The following POLDIP3 variants were observed in gnomAD, a reference collection of about 807,000 sequenced individuals.
The protein encoded by POLDIP3 is DNA polymerase delta interacting protein 3.
A neutral mutation model predicts 45.1 loss-of-function variants in POLDIP3; 14 were observed. The ratio of observed to expected loss-of-function variants is 0.31; its 90% CI spans 0.20 to 0.49. POLDIP3 has a LOEUF of 0.49. Among genes scored for constraint, POLDIP3 ranks in the 20% least tolerant of loss-of-function variants. The pLI is 0.99. For missense variants in POLDIP3, 511 were observed against 538.8 expected, an observed-to-expected ratio of 0.95 and a Z score of 0.51; for synonymous variants, 223 against 205.2, an observed-to-expected ratio of 1.09 and a Z score of -0.74.
intron 6 of POLDIP3, among the ~76,000 whole-genome samples, chr22:42,592,828 G>A (rs1280149254): frequency 6.6e-6 from 1 of 152,168 alleles, no homozygotes; most frequent in African/African-American, 2.4e-5. Flanking sequence ...GGCCAGAGAG[G>A]GAGCAAAATG....
rs139053543 is a variant in POLDIP3 at position 42,589,628 on chromosome 22, G to A, written c.1022-2056C>T. ...ACTTCAAAACCAGCCTGGCCAACAT[G>A]AGGTCAGGAAATCAAGACCATCCTG... On this transcript the variant is annotated intron_variant, in intron 7 of 8. Coordinates refer to ENST00000252115, the MANE Select transcript of POLDIP3 (RefSeq NM_032311.5). Among the ~76,000 whole-genome samples the A allele has an allele frequency of 2.7e-3, 407 of 152,188 alleles. 4 individuals carry two copies. The highest frequency in any genetic ancestry group is 9.2e-3 in the African/African-American group (380 of 41,522).
chr22:42,588,568 A>T (rs1351324001), intron 7 of POLDIP3, among the ~76,000 whole-genome samples: 2 of 149,826 alleles, frequency 1.3e-5, no homozygotes, highest in East Asian at 1.9e-4. Context: ...GAATTCAAAT[A>T]AAAAAAAAAC....
intron 4 of POLDIP3, among the ~76,000 whole-genome samples, chr22:42,599,328 G>A (rs973891028): frequency 6.6e-6 from 1 of 152,274 alleles, no homozygotes; most frequent in African/African-American, 2.4e-5. Flanking sequence ...TTCACGCCGG[G>A]CGCAGTGGCT....
At chr22:42,600,416 G>A (rs372853737) in intron 3 of POLDIP3, among the ~76,000 whole-genome samples, 1 of 151,016 alleles carries the variant, frequency 6.6e-6, no homozygotes, top group African/African-American at 2.4e-5. Flanking sequence ...CACGAGGTCA[G>A]GAGATCGAGA....
rs372712553 is a variant in POLDIP3, at chr22:42,601,951, T to TCTCA, written c.537+15_537+18dup. ...TGTACACACAGATTCTCTCTCTCTC[T>TCTCA]CTCACTCACTCACTCTACCTGTTTG... On this transcript the variant is annotated intron_variant, in intron 3 of 8. Transcript: ENST00000252115. The TCTCA allele has an allele frequency of 3.4e-3, 5,497 of 1,608,806 alleles. 134 individuals carry two copies. The African/African-American group carries it at 0.065, about 19-fold the overall frequency.
chr22:42,607,241 G>A (rs1926791199), intron 1 of POLDIP3, among the ~76,000 whole-genome samples: 2 of 152,346 alleles, frequency 1.3e-5, no homozygotes, highest in South Asian at 2.1e-4. Context: ...CCTGCCGAGT[G>A]CCTGGGATTG....
Position 42,584,920 on chromosome 22 carries a change from G to C in POLDIP3, c.*871C>G, listed in dbSNP as rs1390937815. 1 of 456,166 alleles carries C rather than the reference G, an allele frequency of 2.2e-6. No homozygotes were observed. Among genetic ancestry groups the C allele is most frequent in the Admixed American group, 2.3e-5 (1 of 42,566 alleles). 28.3% of individuals were successfully genotyped at this position (456,166 alleles called of 1,614,324 possible). On this transcript the variant is annotated 3_prime_UTR_variant, in exon 9 of 9. Coordinates refer to ENST00000252115, the MANE Select transcript of POLDIP3 (RefSeq NM_032311.5). The stretch of plus-strand genomic sequence containing the variant: ...TCCAAACCCAAGCACTGCACAATGG[G>C]AGGCTGAGCCTTTCAAAGGCCCAAC...
At chr22:42,593,081 C>T (rs1275606588) in intron 6 of POLDIP3, among the ~76,000 whole-genome samples, 2 of 152,214 alleles carry the variant, frequency 1.3e-5, no homozygotes, top group Admixed American at 6.5e-5. Flanking sequence ...AGTATTTACA[C>T]ATAACCTATG....
intron 1 of POLDIP3, among the ~76,000 whole-genome samples, chr22:42,604,350 G>C (rs771016846): frequency 1.3e-5 from 2 of 152,290 alleles, no homozygotes; most frequent in Non-Finnish European, 2.9e-5. Flanking sequence ...GCAGCATCGA[G>C]CCCTGGCTGA....
chr22:42,608,077 A>C (rs1335335171), intron 1 of POLDIP3, among the ~76,000 whole-genome samples: 2 of 152,254 alleles, frequency 1.3e-5, no homozygotes, highest in African/African-American at 2.4e-5. Context: ...CAGCTCATTG[A>C]GAACGGGCCA....
At chr22:42,606,322 A>C (rs1360680177) in intron 1 of POLDIP3, among the ~76,000 whole-genome samples, 1 of 151,934 alleles carries the variant, frequency 6.6e-6, no homozygotes, top group Non-Finnish European at 1.5e-5. Flanking sequence ...GGAGATCGAG[A>C]ACAGCACGGG....
At chr22:42,594,459 C>T (rs1236427797) in intron 6 of POLDIP3, among the ~76,000 whole-genome samples, 2 of 151,994 alleles carry the variant, frequency 1.3e-5, no homozygotes, top group South Asian at 2.1e-4. Context: ...TGCAGTGAAC[C>T]GAGATCACAC....
At position 42,614,846 on chromosome 22, in the gene POLDIP3, G is replaced by T; in HGVS notation, c.12C>A (p.Ile4=). 6.2e-7 allele frequency: 1 copy of T among 1,614,042 alleles called. No homozygotes were observed. Among genetic ancestry groups the T allele is most frequent in the South Asian group, 1.1e-5 (1 of 91,088 alleles). ...GCTTCCTGATGAGTTCGTCCAGGGA[G>T]ATGTCCGCCATCTTGCTCCGCCGAG... The part of the protein sequence containing the change: MAD[I]SLDELIRKRG... Residue 4 remains isoleucine (I), a synonymous_variant, in exon 1 of 9, where the codon ATC becomes ATA. Transcript: ENST00000252115.
Position 42,584,957 on chromosome 22 carries a change from T to G in POLDIP3, c.*834A>C, listed in dbSNP as rs569049755. The G allele has an allele frequency of 7.9e-5, 36 of 456,258 alleles. No homozygotes were observed. The highest frequency in any genetic ancestry group is 7.0e-5 in the Non-Finnish European group (16 of 226,970). The allele number at this position is 456,258 out of a possible 1,614,324, so 28.3% of individuals were successfully genotyped here. A position where few individuals can be genotyped will look rare whatever the true frequency, so the allele number is the denominator to read the frequency against. On this transcript the variant is annotated 3_prime_UTR_variant, in exon 9 of 9. Coordinates refer to ENST00000252115, the MANE Select transcript of POLDIP3 (RefSeq NM_032311.5). ...TTCAAAGGCCCAACCAGAAGAGAGC[T>G]GGCGGCTACACAAAACCAGGGTGTG... is the stretch of plus-strand genomic sequence containing the variant.
chr22:42,602,816 G>A lies in POLDIP3; in HGVS notation c.404C>T (p.Pro135Leu), dbSNP rs1238198125. The A allele has an allele frequency of 6.2e-7, 1 of 1,612,000 alleles. No homozygotes were observed. Among genetic ancestry groups the A allele is most frequent in the Admixed American group, 1.7e-5 (1 of 60,004 alleles). ...CAGAGCAGGGGTCACTGTCCCAATG[G>A]GTGGGTTTATGAAGGCAGCAGGGGA... ...RSSPAAFINP[P>L]IGTVTPALKL... Residue 135 changes from proline to leucine, a missense_variant, in exon 2 of 9, where the codon CCC (proline) becomes CTC (leucine). By Grantham distance (98) the Pro-to-Leu change is moderately conservative (BLOSUM62 -3). This residue lies in a region of POLDIP3 where 378 missense variants were observed against 352.3 expected (regional missense o/e 1.07). Coordinates refer to ENST00000252115, the MANE Select transcript of POLDIP3 (RefSeq NM_032311.5).
chr22:42,614,733 C>T, intron 1 of POLDIP3, 66 bp downstream of exon 1: 1 of 1,560,968 alleles, frequency 6.4e-7, no homozygotes, highest in South Asian at 1.1e-5. Context: ...CGGATCGCTA[C>T]CTCCCCCGCC....
In POLDIP3 at chr22:42,585,967, G is replaced by T. The variant is rs762274348; in HGVS notation, c.1090C>A (p.Arg364=). The T allele has an allele frequency of 1.2e-6, 2 of 1,608,534 alleles. No individual in the cohort carries two copies. The highest frequency in any genetic ancestry group is 1.7e-6 in the Non-Finnish European group (2 of 1,177,468). The stretch of plus-strand genomic sequence containing the variant: ...TTCATTGATGGGCTGTCACTCAGCC[G>T]CCTGTGGAGAGCAGAGAAGAGTCAA... ...VITSDQPILL[R]LSDSPSMKKE... The change falls in exon 9 of 9, where the codon CGG becomes AGG. Residue 364 remains arginine, a splice_region_variant and synonymous_variant. Coordinates refer to ENST00000252115, the MANE Select transcript of POLDIP3 (RefSeq NM_032311.5).
intron 1 of POLDIP3, among the ~76,000 whole-genome samples, chr22:42,604,168 G>T (rs1041462915): frequency 2.0e-5 from 3 of 152,152 alleles, no homozygotes; most frequent in African/African-American, 7.2e-5. Flanking sequence ...TCTGCCTGCG[G>T]ACTCCTATGT....
Position 42,592,067 on chromosome 22 carries a change from A to C in POLDIP3, c.909T>G (p.Cys303Trp), listed in dbSNP as rs1459745170. Residue 303 changes from cysteine (C) to tryptophan (W), a missense_variant, in exon 7 of 9, where the codon TGT (cysteine) becomes TGG (tryptophan). Cys to Trp is a radical substitution (Grantham distance 215). Coordinates refer to ENST00000252115, the MANE Select transcript of POLDIP3 (RefSeq NM_032311.5). ...CCAGTCGAGCTCGCTTGAGGGCCCCACACACACAGAAAAGCTCCTGCACAC... is the reference window on the plus strand; with the variant it reads ...CCAGTCGAGCTCGCTTGAGGGCCCCCCACACACAGAAAAGCTCCTGCACAC... ...EEDIVELFCVCGALKRARLVH... is the reference protein window; with the variant it reads ...EEDIVELFCVWGALKRARLVH... 3.7e-5 allele frequency: 60 copies of C among 1,614,088 alleles called. No individual in the cohort carries two copies. Among genetic ancestry groups the C allele is most frequent in the African/African-American group, 9.3e-5 (7 of 74,932 alleles).
Sources: allele counts gnomAD v4.1 joint callset (sites outside exome capture counted in the v4.1 genomes callset), GRCh38; gene constraint gnomAD v4.1.1; regional missense constraint gnomAD v4.1.1; transcripts MANE v1.5; gene names NCBI Gene and HGNC (gene_info 2026-07-23, HGNC 2026-07-21).